CNTN1: variants seen among roughly 807,000 people sequenced by gnomAD.
CNTN1 encodes the protein contactin 1.
Under a neutral mutation model 126.4 loss-of-function variants are expected in CNTN1, and 38 were observed. The observed-to-expected ratio is 0.30, with a 90% CI of 0.23 to 0.39. CNTN1 has a LOEUF of 0.39. CNTN1 is among the 10% of genes least tolerant of loss of function. The probability of loss-of-function intolerance (pLI) is 1.00; values close to 1 mark genes in which losing one functional copy is unlikely to be tolerated. For synonymous variants in CNTN1, 413 were observed against 422.6 expected (o/e 0.98, Z 0.28); for missense variants, 1,009 against 1,248.4 (o/e 0.81, Z 2.89).
At chr12:40,751,268 G>T (rs1210084298) in intron 1 of CNTN1, among the ~76,000 whole-genome samples, 1 of 152,074 alleles carries the variant, frequency 6.6e-6, no homozygotes, top group Non-Finnish European at 1.5e-5. Flanking sequence ...AGAGTGAAAT[G>T]AAACATCCTG....
intron 1 of CNTN1, among the ~76,000 whole-genome samples, chr12:40,739,692 A>G (rs528087421): frequency 6.6e-6 from 1 of 152,178 alleles, no homozygotes; most frequent in African/African-American, 2.4e-5. Context: ...GTATGGTCAA[A>G]TGCTAGAGTT....
intron 4 of CNTN1, among the ~76,000 whole-genome samples, chr12:40,919,220 T>A (rs1565947261): frequency 6.6e-6 from 1 of 152,196 alleles, no homozygotes; most frequent in Admixed American, 6.6e-5. Context: ...AGCACCATAT[T>A]TTTCAACAGT....
intron 14 of CNTN1, among the ~76,000 whole-genome samples, chr12:40,954,900 A>C (rs544838000): frequency 1.2e-3 from 179 of 152,210 alleles, no homozygotes; most frequent in African/African-American, 3.8e-3. Context: ...AAGCTTACCA[A>C]GCCTTTCTGT....
chr12:40,972,382 A>T, intron 15 of CNTN1: 1 of 984,132 alleles, frequency 1.0e-6, no homozygotes, highest in Non-Finnish European at 1.2e-6. Context: ...GGTCAAAGAG[A>T]TGTGCTTAAA....
chr12:40,922,386 T>C lies in CNTN1; in HGVS notation c.358T>C (p.Tyr120His). The change falls in exon 5 of 24, where the codon TAC (tyrosine) becomes CAC (histidine). Residue 120 changes from tyrosine to histidine, a missense_variant. Tyr to His is a moderately conservative substitution (Grantham distance 83, BLOSUM62 2). Transcript: ENST00000551295. The part of the protein sequence containing the change: ...GIYYCLASNN[Y>H]GMVRSTEATL... Reference sequence around the variant, plus strand: ...ATACTACTGTTTAGCATCTAATAACTACGGGATGGTCAGAAGCACTGAAGC... The same window carrying C: ...ATACTACTGTTTAGCATCTAATAACCACGGGATGGTCAGAAGCACTGAAGC... 1 of 1,614,002 alleles carries C rather than the reference T, an allele frequency of 6.2e-7. No homozygotes were observed. The highest frequency in any genetic ancestry group is 8.5e-7 in the Non-Finnish European group (1 of 1,179,934).
intron 1 of CNTN1, among the ~76,000 whole-genome samples, chr12:40,874,725 G>A (rs991665598): frequency 1.3e-5 from 2 of 152,004 alleles, no homozygotes; most frequent in Non-Finnish European, 2.9e-5. Context: ...ATTCATCCAC[G>A]CTATTATTGA....
At chr12:41,052,238 G>A (rs73126940) in intron 23 of CNTN1, among the ~76,000 whole-genome samples, 1 of 152,246 alleles carries the variant, frequency 6.6e-6, no homozygotes, top group Non-Finnish European at 1.5e-5. Flanking sequence ...AGCTCTTCCT[G>A]AGACATTACT....
chr12:40,979,486 T>C (rs1382083973), intron 15 of CNTN1, among the ~76,000 whole-genome samples: 1 of 151,776 alleles, frequency 6.6e-6, no homozygotes, highest in Admixed American at 6.6e-5. Flanking sequence ...TCCTCTTTAG[T>C]ATTACATTAA....
intron 1 of CNTN1, among the ~76,000 whole-genome samples, chr12:40,780,364 C>T (rs1003113927): frequency 6.6e-6 from 1 of 151,454 alleles, no homozygotes; most frequent in African/African-American, 2.4e-5. Context: ...AGTTTAAGAC[C>T]CCTAGGAATT....
intron 1 of CNTN1, among the ~76,000 whole-genome samples, chr12:40,888,705 G>A (rs1456134818): frequency 6.6e-6 from 1 of 152,220 alleles, no homozygotes; most frequent in Non-Finnish European, 1.5e-5. Flanking sequence ...AAAGATAGCT[G>A]ATTGGTAGGA....
chr12:40,807,451 G>C (rs1226217574), intron 1 of CNTN1, among the ~76,000 whole-genome samples: 1 of 152,106 alleles, frequency 6.6e-6, no homozygotes, highest in Non-Finnish European at 1.5e-5. Flanking sequence ...GAGGGCGAAA[G>C]GTGGCTCTAG....
At chr12:40,965,199 T>C (rs1321589530) in intron 15 of CNTN1, among the ~76,000 whole-genome samples, 3 of 152,184 alleles carry the variant, frequency 2.0e-5, no homozygotes, top group African/African-American at 7.2e-5. Context: ...CAATTTTAAA[T>C]GTAGAACTAA....
chr12:40,987,247 T>C (rs1159557865), intron 16 of CNTN1, among the ~76,000 whole-genome samples: 3 of 152,186 alleles, frequency 2.0e-5, no homozygotes, highest in African/African-American at 4.8e-5. Flanking sequence ...ATACTTAAGA[T>C]ATGAAATAAA....
chr12:41,014,708 T>G (rs1308750812), intron 18 of CNTN1, among the ~76,000 whole-genome samples: 1 of 152,238 alleles, frequency 6.6e-6, no homozygotes, highest in African/African-American at 2.4e-5. Flanking sequence ...GAAGCTTACT[T>G]TGATCACTGG....
chr12:40,920,573 T>G (rs1945401868), intron 4 of CNTN1, among the ~76,000 whole-genome samples: 1 of 152,166 alleles, frequency 6.6e-6, no homozygotes, highest in South Asian at 2.1e-4. Flanking sequence ...AAAGAACATT[T>G]AAAGTTTTTA....
At chr12:40,950,097 GGTGT>G (rs59713493) in intron 14 of CNTN1, among the ~76,000 whole-genome samples, 14,353 of 145,010 alleles carry the variant, frequency 0.099, 743 homozygotes, top group Admixed American at 0.14. Context: ...GTGTTGAGAG[GGTGT>G]GTGTGTGTGT....
At chr12:40,825,712 A>C (rs1266061460) in intron 1 of CNTN1, among the ~76,000 whole-genome samples, 2 of 152,102 alleles carry the variant, frequency 1.3e-5, no homozygotes, top group African/African-American at 2.4e-5. Context: ...TTCAATGCTT[A>C]CTTGCTGCAT....
At chr12:40,758,394 C>A (rs1342957758) in intron 1 of CNTN1, among the ~76,000 whole-genome samples, 1 of 151,556 alleles carries the variant, frequency 6.6e-6, no homozygotes, top group Admixed American at 6.6e-5. Context: ...AGTTACTGAA[C>A]ACCTACCAAC....
intron 1 of CNTN1, among the ~76,000 whole-genome samples, chr12:40,726,858 A>G (rs1942365534): frequency 1.0e-5 from 1 of 96,692 alleles, no homozygotes. Flanking sequence ...TTCATAATGT[A>G]TATTTTCTCT....
Sources: allele counts gnomAD v4.1 joint callset (sites outside exome capture counted in the v4.1 genomes callset), GRCh38; gene constraint gnomAD v4.1.1; transcripts MANE v1.5; gene names NCBI Gene and HGNC (gene_info 2026-07-23, HGNC 2026-07-21).